MAPK9: variants seen among roughly 807,000 people sequenced by gnomAD.
The protein encoded by MAPK9 is mitogen-activated protein kinase 9, also known as Jun kinase.
Under a neutral mutation model 57.1 loss-of-function variants are expected in MAPK9, and 30 were observed. The observed-to-expected ratio is 0.53, with a 90% CI of 0.39 to 0.71. The LOEUF is 0.71. MAPK9 is among the 30% of genes least tolerant of loss of function. The pLI is 0.00. For missense variants in MAPK9, 362 were observed against 521.0 expected (o/e 0.69, Z 2.97); for synonymous variants, 155 against 177.0 (o/e 0.88, Z 0.99).
intron 1 of MAPK9, among the ~76,000 whole-genome samples, chr5:180,281,380 C>A (rs1476143069): frequency 6.6e-6 from 1 of 152,252 alleles, no homozygotes; most frequent in Admixed American, 6.5e-5. Flanking sequence ...GGTTGAGGCA[C>A]AGGCTGAGAC....
chr5:180,256,672 C>T (rs771282626), intron 5 of MAPK9, among the ~76,000 whole-genome samples: 2 of 152,152 alleles, frequency 1.3e-5, no homozygotes, highest in African/African-American at 2.4e-5. Flanking sequence ...TTCTATACCT[C>T]GTGCTGGGCA....
chr5:180,283,861 G>A (rs1762516685), intron 1 of MAPK9, among the ~76,000 whole-genome samples: 1 of 152,208 alleles, frequency 6.6e-6, no homozygotes, highest in Admixed American at 6.5e-5. Context: ...ATTTGAACCG[G>A]GAGGTGGAGA....
At chr5:180,287,270 G>A (rs1158786508) in intron 1 of MAPK9, among the ~76,000 whole-genome samples, 2 of 152,226 alleles carry the variant, frequency 1.3e-5, no homozygotes, top group Non-Finnish European at 2.9e-5. Flanking sequence ...TATACACCTT[G>A]CTCCGATGCC....
At chr5:180,243,844 G>A (rs916566699) in intron 7 of MAPK9, among the ~76,000 whole-genome samples, 15 of 152,018 alleles carry the variant, frequency 9.9e-5, no homozygotes, top group African/African-American at 1.2e-4. Context: ...TTTTCCTTCT[G>A]CCATATATAC....
At chr5:180,268,671 C>T (rs909206383) in intron 3 of MAPK9, among the ~76,000 whole-genome samples, 1 of 151,900 alleles carries the variant, frequency 6.6e-6, no homozygotes, top group African/African-American at 2.4e-5. Flanking sequence ...CCTAAAAATA[C>T]AAAAAATTAG....
At chr5:180,266,843 T>C (rs970300249) in intron 3 of MAPK9, among the ~76,000 whole-genome samples, 7 of 152,222 alleles carry the variant, frequency 4.6e-5, no homozygotes, top group Non-Finnish European at 2.9e-5. Flanking sequence ...TACTCTGACC[T>C]GACAATGTTG....
chr5:180,279,372 T>C (rs761672058), intron 2 of MAPK9, among the ~76,000 whole-genome samples: 2 of 152,204 alleles, frequency 1.3e-5, no homozygotes, highest in Admixed American at 6.5e-5. Context: ...AAACAGTCCC[T>C]TTCCCGCCTT....
At chr5:180,291,716 G>A (rs1010304813) in intron 1 of MAPK9, 132 bp downstream of exon 1, 32 of 150,508 alleles carry the variant, frequency 2.1e-4, no homozygotes, top group Non-Finnish European at 3.0e-4. Context: ...CAGGGGCGAC[G>A]GCTGCGGCTG....
intron 2 of MAPK9, among the ~76,000 whole-genome samples, chr5:180,270,510 C>CA (rs1761156436): frequency 6.6e-6 from 1 of 152,128 alleles, no homozygotes; most frequent in African/African-American, 2.4e-5. Flanking sequence ...CATTGACATA[C>CA]ATGTAGCCAT....
At position 180,247,863 on chromosome 5, in the gene MAPK9, C is replaced by T. The variant is rs201083306; in HGVS notation, c.617-353G>A. 6.2e-7 allele frequency: 1 copy of T among 1,614,138 alleles called. No homozygotes were observed. Among genetic ancestry groups the T allele is most frequent in the Non-Finnish European group, 8.5e-7 (1 of 1,180,010 alleles). ...TCCCCTGTGAAGGATACAGTCTCTTCCCGGGAACAGGACTTTATGGAGGAC... is the reference window on the plus strand; with the variant it reads ...TCCCCTGTGAAGGATACAGTCTCTTTCCGGGAACAGGACTTTATGGAGGAC... On this transcript the variant is annotated intron_variant, in intron 6 of 11. Coordinates refer to ENST00000452135, the MANE Select transcript of MAPK9 (RefSeq NM_002752.5). The surrounding 1 kb of genome is among the most constrained non-coding windows in gnomAD (Gnocchi z 4.5).
At chr5:180,242,061 C>T (rs1757714380) in intron 8 of MAPK9, among the ~76,000 whole-genome samples, 1 of 152,124 alleles carries the variant, frequency 6.6e-6, no homozygotes, top group East Asian at 1.9e-4. Flanking sequence ...AAATATAAGG[C>T]TCACCTAGGT....
At chr5:180,270,542 C>G (rs35157316) in intron 2 of MAPK9, among the ~76,000 whole-genome samples, 1,952 of 152,288 alleles carry the variant, frequency 0.013, 22 homozygotes, top group Non-Finnish European at 0.021. Context: ...TACCTATATA[C>G]TTCTCAGACT....
chr5:180,255,734 G>A (rs1355307786), intron 5 of MAPK9, among the ~76,000 whole-genome samples: 1 of 152,216 alleles, frequency 6.6e-6, no homozygotes, highest in Non-Finnish European at 1.5e-5. Context: ...GGCCGAGGGT[G>A]AGGGCTGGGT....
At chr5:180,269,258 A>T in intron 3 of MAPK9, 22 bp downstream of exon 3, 1 of 1,609,530 alleles carries the variant, frequency 6.2e-7, no homozygotes, top group South Asian at 1.1e-5. Flanking sequence ...AAGCACACAG[A>T]CAAAATACAT....
At chr5:180,268,665 A>C (rs1353796369) in intron 3 of MAPK9, among the ~76,000 whole-genome samples, 3 of 151,962 alleles carry the variant, frequency 2.0e-5, no homozygotes, top group Non-Finnish European at 4.4e-5. Context: ...GTCTCTCCTA[A>C]AAATACAAAA....
intron 5 of MAPK9, among the ~76,000 whole-genome samples, chr5:180,249,772 A>G (rs1758489580): frequency 6.6e-6 from 1 of 152,228 alleles, no homozygotes; most frequent in African/African-American, 2.4e-5. Flanking sequence ...TATATCCATA[A>G]TATTATCATT....
intron 2 of MAPK9, among the ~76,000 whole-genome samples, chr5:180,272,510 C>T (rs1192999381): frequency 6.6e-6 from 1 of 152,192 alleles, no homozygotes; most frequent in South Asian, 2.1e-4. Context: ...ATTAGTGTCC[C>T]TCCTGTCCAC....
intron 1 of MAPK9, among the ~76,000 whole-genome samples, chr5:180,289,709 T>G (rs1284751995): frequency 6.6e-6 from 1 of 152,152 alleles, no homozygotes; most frequent in African/African-American, 2.4e-5. Context: ...CCTGCTCTCC[T>G]CACAGCTCCT....
chr5:180,236,466 G>A lies in MAPK9; in HGVS notation c.1193C>T (p.Ser398Phe). The A allele has an allele frequency of 6.2e-7, 1 of 1,614,102 alleles. No homozygotes were observed. Among genetic ancestry groups the A allele is most frequent in the Non-Finnish European group, 8.5e-7 (1 of 1,179,958 alleles). Residue 398 changes from serine (S) to phenylalanine (F), a missense_variant, in exon 12 of 12, where the codon TCC (serine) becomes TTC (phenylalanine). Physicochemically the swap from Ser to Phe is radical, Grantham distance 155. Around this residue, in one of 3 missense-constraint regions of MAPK9, gnomAD observed 199 missense variants for 251.3 expected, o/e 0.79. Coordinates refer to ENST00000452135, the MANE Select transcript of MAPK9 (RefSeq NM_002752.5). ...GGCCAGCGTCTGCTCAGTGGACATGGATGAAATGTCATTGATCGATGAAGA... is the reference window on the plus strand; with the variant it reads ...GGCCAGCGTCTGCTCAGTGGACATGAATGAAATGTCATTGATCGATGAAGA... ...SQSSSINDIS[S>F]MSTEQTLASD...
Sources: gnomAD v4.1 joint callset for allele counts (sites outside exome capture counted in the v4.1 genomes callset) on GRCh38, gnomAD v4.1.1 for gene constraint, gnomAD v4.1.1 regional missense constraint, Gnocchi (gnomAD v3.1) non-coding constraint, MANE v1.5 for transcripts, NCBI Gene and HGNC (gene_info 2026-07-23, HGNC 2026-07-21) for gene names.